B4GALNT2: variants seen among roughly 807,000 people sequenced by gnomAD.
The protein encoded by B4GALNT2 is N-acetylneuraminylgalactosylglucosyl-glucoside beta-1,4-N- acetylgalactosaminyltransferase 2.
Under a neutral mutation model 51.1 loss-of-function variants are expected in B4GALNT2, and 42 were observed. The ratio of observed to expected loss-of-function variants is 0.82; its 90% CI spans 0.64 to 1.06. The LOEUF (loss-of-function observed/expected upper bound fraction) is 1.06. Ranked by LOEUF, B4GALNT2 falls within the 50% of genes least tolerant of loss-of-function variation. The pLI is 0.00. For synonymous variants in B4GALNT2, 253 were observed against 251.7 expected, an observed-to-expected ratio of 1.01 and a Z score of -0.05; for missense variants, 602 against 633.6, an observed-to-expected ratio of 0.95 and a Z score of 0.54.
At chr17:49,141,543 T>G in intron 2 of B4GALNT2, 96 bp downstream of exon 2, 1 of 1,279,350 alleles carries the variant, frequency 7.8e-7, no homozygotes. Context: ...GTACAGATGG[T>G]TCCCTTGCTT....
At position 49,174,823 on chromosome 17, in the gene B4GALNT2, T is replaced by C. The variant is rs540347779; in HGVS notation, c.*5095T>C. 9.2e-5 allele frequency: 14 copies of C among 152,328 alleles called. No homozygotes were observed. Among genetic ancestry groups the C allele is most frequent in the Non-Finnish European group, 1.5e-4 (10 of 68,030 alleles). The allele number at this position is 152,328 out of a possible 1,614,324, so 9.4% of individuals were successfully genotyped here. ...TGATATCCTAAACCTTGGCAGGAAC[T>C]TTGTCTTTCCGCTTGAAGTGGTTCC... is the stretch of plus-strand genomic sequence containing the variant. On this transcript the variant is annotated 3_prime_UTR_variant, in exon 11 of 11. Transcript: ENST00000393354.
In B4GALNT2 at chr17:49,159,196, C is replaced by T; in HGVS notation, c.658C>T (p.Gln220Ter). Residue 220 changes from glutamine (Q) to a stop codon, truncating the protein, a stop_gained, in exon 6 of 11, where the codon CAG becomes TAG. Coordinates refer to ENST00000393354, the MANE Select transcript of B4GALNT2 (RefSeq NM_001159387.2). LOFTEE classifies it high-confidence loss of function. Reference sequence around the variant, plus strand: ...CGTGACATACACCAGCACGGGGTACCAGCACCAGAAGGTAGACATAGGTGA... The same window carrying T: ...CGTGACATACACCAGCACGGGGTACTAGCACCAGAAGGTAGACATAGGTGA... Reference protein sequence around the residue: ...QHVTYTSTGYQHQKVDIVSLE... With the variant: ...QHVTYTSTGY 6.2e-7 allele frequency: 1 copy of T among 1,614,146 alleles called. No homozygotes were observed.
In B4GALNT2 at chr17:49,175,683, G is replaced by C. The variant is rs924490710; in HGVS notation, c.*5955G>C. On this transcript the variant is annotated 3_prime_UTR_variant, in exon 11 of 11. Transcript: ENST00000393354. The stretch of plus-strand genomic sequence containing the variant: ...ATAATATTTCCCTGTTGATCTGGGG[G>C]GTATATCCTAACAGGGAACTGCCAA... 1 of 152,072 alleles carries C rather than the reference G, an allele frequency of 6.6e-6. No homozygotes were observed. 9.4% of individuals were successfully genotyped at this position (152,072 alleles called of 1,614,324 possible).
At chr17:49,140,339 A>G (rs2042631112) in intron 1 of B4GALNT2, among the ~76,000 whole-genome samples, 1 of 152,122 alleles carries the variant, frequency 6.6e-6, no homozygotes, top group Non-Finnish European at 1.5e-5. Flanking sequence ...TGACCTCGTG[A>G]TCCACCCGCC....
intron 1 of B4GALNT2, among the ~76,000 whole-genome samples, chr17:49,140,346 C>A (rs1407543105): frequency 6.6e-6 from 1 of 151,968 alleles, no homozygotes; most frequent in Non-Finnish European, 1.5e-5. Context: ...GTGATCCACC[C>A]GCCTTGGCCT....
Position 49,175,018 on chromosome 17 carries a change from G to T in B4GALNT2, c.*5290G>T, listed in dbSNP as rs922814072. On this transcript the variant is annotated 3_prime_UTR_variant, in exon 11 of 11. Transcript: ENST00000393354. The stretch of plus-strand genomic sequence containing the variant: ...TGTATAGGTACAGAAGTTATAATTG[G>T]TTGAATAGTCCCATGTTGTCCATCG... 1 of 152,166 alleles carries T rather than the reference G, an allele frequency of 6.6e-6. No homozygotes were observed. Among genetic ancestry groups the T allele is most frequent in the Non-Finnish European group, 1.5e-5 (1 of 68,028 alleles). The allele number at this position is 152,166 out of a possible 1,614,324, so 9.4% of individuals were successfully genotyped here.
intron 3 of B4GALNT2, chr17:49,148,307 A>G (rs2042716257): frequency 1.2e-4 from 41 of 344,608 alleles, no homozygotes; most frequent in South Asian, 9.0e-4. Context: ...CTCGAAAAAA[A>G]AATAAAAACA....
At chr17:49,133,930 AAAACAAAC>A (rs138784461) in intron 1 of B4GALNT2, among the ~76,000 whole-genome samples, 5,448 of 151,712 alleles carry the variant, frequency 0.036, 311 homozygotes, top group African/African-American at 0.12. Flanking sequence ...ACAAACAAAC[AAAACAAAC>A]AAACAAACAA....
chr17:49,159,274 C>T (rs2042840602), intron 6 of B4GALNT2, 57 bp downstream of exon 6: 1 of 1,537,158 alleles, frequency 6.5e-7, no homozygotes, highest in Non-Finnish European at 8.9e-7. Flanking sequence ...TACCTCTGGG[C>T]CCTTTCAAAG....
At position 49,169,834 on chromosome 17, in the gene B4GALNT2, G is replaced by A. The variant is rs2042946154; in HGVS notation, c.*106G>A. 6.2e-6 allele frequency: 7 copies of A among 1,136,320 alleles called. No homozygotes were observed. In the African/African-American group the frequency reaches 6.3e-5, roughly 10 times the overall value. The allele number at this position is 1,136,320 out of a possible 1,614,324, so 70.4% of individuals were successfully genotyped here. On this transcript the variant is annotated 3_prime_UTR_variant, in exon 11 of 11. Coordinates refer to ENST00000393354, the MANE Select transcript of B4GALNT2 (RefSeq NM_001159387.2). ...GGTGAACGTTGTACCAAACCAGCTG[G>A]TGGGTAGGGAAAAGGGAAATGGCTC...
chr17:49,126,950 C>A, the B4GALNT2 span, among the ~76,000 whole-genome samples: 1 of 151,936 alleles, frequency 6.6e-6, no homozygotes, highest in Non-Finnish European at 1.5e-5. Context: ...GTGAACCACC[C>A]GCCTTGGCCT....
chr17:49,163,254 G>T (rs2144333690), intron 7 of B4GALNT2, among the ~76,000 whole-genome samples: 1 of 152,270 alleles, frequency 6.6e-6, no homozygotes, highest in East Asian at 1.9e-4. Flanking sequence ...GGACAATTCT[G>T]TCCAGGCCTT....
intron 1 of B4GALNT2, among the ~76,000 whole-genome samples, chr17:49,133,496 T>C (rs1019497868): frequency 1.3e-5 from 2 of 152,066 alleles, no homozygotes; most frequent in African/African-American, 4.8e-5. Context: ...TATTCTTTTA[T>C]CCGCAAAGTT....
upstream of B4GALNT2, among the ~76,000 whole-genome samples, chr17:49,130,000 C>T (rs1422622018): frequency 6.6e-6 from 1 of 152,142 alleles, no homozygotes; most frequent in East Asian, 1.9e-4. Context: ...TGGCTGTGGT[C>T]TAGACAGTCA....
the B4GALNT2 span, among the ~76,000 whole-genome samples, chr17:49,121,505 G>A: frequency 6.6e-6 from 1 of 152,200 alleles, no homozygotes; most frequent in Non-Finnish European, 1.5e-5. Context: ...GTAGACAGGG[G>A]CTTGATGGTG....
At chr17:49,160,259 G>A (rs1480614968) in intron 6 of B4GALNT2, among the ~76,000 whole-genome samples, 2 of 152,140 alleles carry the variant, frequency 1.3e-5, no homozygotes, top group East Asian at 3.9e-4. Flanking sequence ...AAAAAAATCA[G>A]ATAGTAAATG....
At position 49,175,242 on chromosome 17, in the gene B4GALNT2, T is replaced by C. The variant is rs1029934068; in HGVS notation, c.*5514T>C. 6.6e-6 allele frequency: 1 copy of C among 152,218 alleles called. No individual in the cohort carries two copies. Among genetic ancestry groups the C allele is most frequent in the African/African-American group, 2.4e-5 (1 of 41,460 alleles). 9.4% of individuals were successfully genotyped at this position (152,218 alleles called of 1,614,324 possible). A position where few individuals can be genotyped will look rare whatever the true frequency, so the allele number is the denominator to read the frequency against. ...AGTTATTTCACAGGTAGGATGTTTA[T>C]CAGTAATTTGATTCACCCAATAAGC... On this transcript the variant is annotated 3_prime_UTR_variant, in exon 11 of 11. Transcript: ENST00000393354.
upstream of B4GALNT2, chr17:49,132,734 C>T: frequency 7.2e-7 from 1 of 1,384,246 alleles, no homozygotes; most frequent in Middle Eastern, 2.3e-4. Context: ...GCGGGGCAGT[C>T]GGCGGCCTGG....
At chr17:49,164,981 T>G (rs556532790) in intron 8 of B4GALNT2, among the ~76,000 whole-genome samples, 2 of 152,082 alleles carry the variant, frequency 1.3e-5, no homozygotes, top group East Asian at 3.9e-4. Flanking sequence ...CAGGCTAATT[T>G]TTTAAATTTT....
Sources: allele counts gnomAD v4.1 joint callset (sites outside exome capture counted in the v4.1 genomes callset), GRCh38; gene constraint gnomAD v4.1.1; transcripts MANE v1.5; gene names NCBI Gene and HGNC (gene_info 2026-07-23, HGNC 2026-07-21).